Variants in MSI2 observed in about 807,000 individuals in gnomAD.
MSI2 encodes the protein musashi RNA binding protein 2.
MSI2 carries 17 observed loss-of-function variants against 45.6 expected under a neutral mutation model. The ratio of observed to expected loss-of-function variants is 0.37; its 90% CI spans 0.26 to 0.56. The LOEUF (loss-of-function observed/expected upper bound fraction) is 0.56, where lower values mean the gene tolerates loss of function less well. Among genes scored for constraint, MSI2 ranks in the 20% least tolerant of loss-of-function variants. The pLI is 0.77. For missense variants in MSI2, 293 were observed against 444.2 expected (o/e 0.66, Z 3.06); for synonymous variants, 156 against 158.2 (o/e 0.99, Z 0.11).
chr17:57,391,001 A>G (rs764845920), intron 5 of MSI2, among the ~76,000 whole-genome samples: 11 of 152,200 alleles, frequency 7.2e-5, no homozygotes, highest in Non-Finnish European at 1.5e-5. Flanking sequence ...GAACTTTGAC[A>G]TGCTCAACTT....
At chr17:57,692,964 T>G in the MSI2 span, among the ~76,000 whole-genome samples, 3 of 151,890 alleles carry the variant, frequency 2.0e-5, no homozygotes, top group South Asian at 2.1e-4. Context: ...TTCTTTGAAC[T>G]TCTTTCTGTG....
intron 6 of MSI2, among the ~76,000 whole-genome samples, chr17:57,528,839 G>A (rs1371093528): frequency 1.3e-5 from 2 of 152,046 alleles, no homozygotes; most frequent in African/African-American, 4.8e-5. Flanking sequence ...TGAGGTCCTG[G>A]GGGTTAGGAC....
At chr17:57,657,513 T>C (rs1202622399) in intron 11 of MSI2, among the ~76,000 whole-genome samples, 1 of 152,204 alleles carries the variant, frequency 6.6e-6, no homozygotes, top group African/African-American at 2.4e-5. Flanking sequence ...TTTGCTGCCC[T>C]GTGGCTGGAA....
chr17:57,297,368 ATACTG>A (rs1250836773), intron 5 of MSI2, among the ~76,000 whole-genome samples: 16 of 152,166 alleles, frequency 1.1e-4, no homozygotes, highest in African/African-American at 2.7e-4. Context: ...TGTTTACACT[ATACTG>A]TAGTCAATAT....
chr17:57,674,592 G>C (rs1156480533), intron 11 of MSI2, among the ~76,000 whole-genome samples: 1 of 151,146 alleles, frequency 6.6e-6, no homozygotes, highest in Non-Finnish European at 1.5e-5. Context: ...CAATTCAGAT[G>C]TGAAAAAAAA....
At chr17:57,639,186 A>C (rs1481505187) in intron 10 of MSI2, among the ~76,000 whole-genome samples, 4 of 152,082 alleles carry the variant, frequency 2.6e-5, no homozygotes, top group Non-Finnish European at 5.9e-5. Context: ...TCAACATATA[A>C]ATTTTGGCAG....
intron 9 of MSI2, chr17:57,618,472 A>C (rs1456818957): frequency 6.6e-6 from 1 of 151,948 alleles, no homozygotes; most frequent in East Asian, 1.9e-4. Context: ...CACTTTGGGA[A>C]GCCGAGGCAG....
chr17:57,326,164 T>A lies in MSI2; in HGVS notation c.312+63972T>A, dbSNP rs188271675. On this transcript the variant is annotated intron_variant, in intron 5 of 13. Coordinates refer to ENST00000284073, the MANE Select transcript of MSI2 (RefSeq NM_138962.4). ...GCTGTATGGTGCAGGTTACAGACCC[T>A]TAGCTACAATTCTCATATCCCCCAA... is the stretch of plus-strand genomic sequence containing the variant. Among the ~76,000 whole-genome samples, 12 of 152,328 alleles carry A rather than the reference T, an allele frequency of 7.9e-5. No homozygotes were observed. In the East Asian group the frequency reaches 2.1e-3, roughly 27 times the overall value.
rs115721302 is a variant in MSI2, at chr17:57,463,764, G to A, written c.405+62293G>A. On this transcript the variant is annotated intron_variant, in intron 6 of 13. Transcript: ENST00000284073. ...GCACATCTGCTGTGCCCAGTCCAGA[G>A]CACTCCCCCTCTCTAAATAGTTGAG... 3.1e-3 allele frequency among the ~76,000 whole-genome samples: 471 copies of A among 149,804 alleles called. 1 individual carries two copies. The highest frequency in any genetic ancestry group is 0.011 in the African/African-American group (435 of 40,548).
chr17:57,397,837 C>T (rs952074006), intron 5 of MSI2, among the ~76,000 whole-genome samples: 3 of 152,222 alleles, frequency 2.0e-5, no homozygotes, highest in Admixed American at 6.5e-5. Flanking sequence ...CATGTTTCCA[C>T]TGGCCTTTTC....
chr17:57,687,117 A>T (rs1913901369), downstream of MSI2, among the ~76,000 whole-genome samples: 1 of 133,760 alleles, frequency 7.5e-6, no homozygotes, highest in South Asian at 2.2e-4. Context: ...GTTAAAAAAG[A>T]TTACATACAA....
At chr17:57,656,063 G>A (rs936826156) in intron 11 of MSI2, among the ~76,000 whole-genome samples, 1 of 152,198 alleles carries the variant, frequency 6.6e-6, no homozygotes, top group Non-Finnish European at 1.5e-5. Flanking sequence ...ATGCATTGTT[G>A]AGTTGATATT....
chr17:57,582,054 T>TGAAATTGGC (rs2088221266), intron 7 of MSI2, among the ~76,000 whole-genome samples: 1 of 152,196 alleles, frequency 6.6e-6, no homozygotes, highest in Non-Finnish European at 1.5e-5. Flanking sequence ...CAGGAGATCC[T>TGAAATTGGC]GAAATTGGCT....
intron 11 of MSI2, among the ~76,000 whole-genome samples, chr17:57,664,240 C>T (rs1010930925): frequency 6.6e-6 from 1 of 152,144 alleles, no homozygotes; most frequent in Non-Finnish European, 1.5e-5. Context: ...GAGAACAGGC[C>T]GGGCACGGTG....
At chr17:57,514,471 G>A (rs971621877) in intron 6 of MSI2, among the ~76,000 whole-genome samples, 4 of 152,136 alleles carry the variant, frequency 2.6e-5, no homozygotes, top group Non-Finnish European at 5.9e-5. Context: ...TTAGATTGCA[G>A]TGCATTATTT....
chr17:57,408,480 C>A (rs925926942), intron 6 of MSI2, among the ~76,000 whole-genome samples: 1 of 152,186 alleles, frequency 6.6e-6, no homozygotes, highest in South Asian at 2.1e-4. Flanking sequence ...GCTGTTTGAC[C>A]GCATTTCCTG....
At chr17:57,401,548 C>A in intron 6 of MSI2, 77 bp downstream of exon 6, 1 of 1,114,328 alleles carries the variant, frequency 9.0e-7, no homozygotes, top group Non-Finnish European at 1.4e-6. Flanking sequence ...CCGTGGCCCC[C>A]GCCCCTGCTA....
At chr17:57,351,982 T>C (rs1916066207) in intron 5 of MSI2, among the ~76,000 whole-genome samples, 2 of 152,218 alleles carry the variant, frequency 1.3e-5, no homozygotes, top group South Asian at 4.1e-4. Flanking sequence ...GAACATACAT[T>C]GTGTGAAGAA....
intron 6 of MSI2, among the ~76,000 whole-genome samples, chr17:57,452,757 G>C (rs1191834775): frequency 6.6e-6 from 1 of 152,156 alleles, no homozygotes; most frequent in Non-Finnish European, 1.5e-5. Context: ...TGAGCAAAGT[G>C]TATTTTGTAC....
Sources: allele counts gnomAD v4.1 joint callset (sites outside exome capture counted in the v4.1 genomes callset), GRCh38; gene constraint gnomAD v4.1.1; transcripts MANE v1.5; gene names NCBI Gene and HGNC (gene_info 2026-07-23, HGNC 2026-07-21).